CLSTN2: variants seen among roughly 807,000 people sequenced by gnomAD.
The protein encoded by CLSTN2 is calsyntenin 2, also known as calsyntenin-2.
Under a neutral mutation model 101.2 loss-of-function variants are expected in CLSTN2, and 48 were observed. The observed-to-expected ratio is 0.47, with a 90% CI of 0.38 to 0.60. The LOEUF (loss-of-function observed/expected upper bound fraction) is 0.60. Ranked by LOEUF, CLSTN2 falls within the 20% of genes least tolerant of loss-of-function variation. CLSTN2 has a pLI of 0.00. For synonymous variants in CLSTN2, 481 were observed against 463.6 expected (o/e 1.04, Z -0.48); for missense variants, 1,160 against 1,238.2 (o/e 0.94, Z 0.95).
At chr3:139,998,447 AT>A (rs1183099698) in intron 1 of CLSTN2, among the ~76,000 whole-genome samples, 1 of 141,118 alleles carries the variant, frequency 7.1e-6, no homozygotes, top group Non-Finnish European at 1.5e-5. Context: ...CCATTCTCCT[AT>A]TCTCCTGCCT....
chr3:139,949,954 G>A (rs1477212428), intron 1 of CLSTN2, among the ~76,000 whole-genome samples: 1 of 152,142 alleles, frequency 6.6e-6, no homozygotes, highest in Non-Finnish European at 1.5e-5. Flanking sequence ...GTGTGTAGAG[G>A]CAAGAAGGAA....
rs569421671 is a variant in CLSTN2, at chr3:140,028,671, A to C, written c.109+93188A>C. On this transcript the variant is annotated intron_variant, in intron 1 of 16. Coordinates refer to ENST00000458420, the MANE Select transcript of CLSTN2 (RefSeq NM_022131.3). Reference sequence around the variant, plus strand: ...ATGAATGGGCAACTGCCTATGGAGCATGAACTGTGGGGTGAGAATCCCCGG... The same window carrying C: ...ATGAATGGGCAACTGCCTATGGAGCCTGAACTGTGGGGTGAGAATCCCCGG... Among the ~76,000 whole-genome samples the C allele has an allele frequency of 1.8e-4, 28 of 152,232 alleles. 1 individual carries two copies. Among genetic ancestry groups the C allele is most frequent in the Non-Finnish European group, 2.5e-4 (17 of 68,036 alleles).
At chr3:140,182,112 C>T (rs1576458378) in intron 2 of CLSTN2, among the ~76,000 whole-genome samples, 2 of 152,268 alleles carry the variant, frequency 1.3e-5, no homozygotes, top group South Asian at 2.1e-4. Context: ...TTGTTAATCT[C>T]TCTTTTTGAC....
chr3:140,349,743 C>T (rs897216661), intron 2 of CLSTN2, among the ~76,000 whole-genome samples: 2 of 152,184 alleles, frequency 1.3e-5, no homozygotes, highest in African/African-American at 4.8e-5. Context: ...TGCCCATTTA[C>T]AATCTTTGCT....
chr3:140,344,598 G>A (rs538686242), intron 2 of CLSTN2, among the ~76,000 whole-genome samples: 26 of 152,140 alleles, frequency 1.7e-4, no homozygotes, highest in East Asian at 5.8e-4. Context: ...TCCAACTACC[G>A]CACTCTCTGA....
At chr3:140,283,736 T>C (rs1471765086) in intron 2 of CLSTN2, among the ~76,000 whole-genome samples, 1 of 152,200 alleles carries the variant, frequency 6.6e-6, no homozygotes, top group African/African-American at 2.4e-5. Flanking sequence ...CAAGCATCAG[T>C]TGGAATTTGT....
At chr3:140,147,593 C>T (rs2107812236) in intron 1 of CLSTN2, among the ~76,000 whole-genome samples, 1 of 152,296 alleles carries the variant, frequency 6.6e-6, no homozygotes, top group African/African-American at 2.4e-5. Context: ...AAATGATTTT[C>T]ATTGAACAAT....
chr3:140,083,311 A>G (rs1348741689), intron 1 of CLSTN2, among the ~76,000 whole-genome samples: 1 of 152,252 alleles, frequency 6.6e-6, no homozygotes, highest in Non-Finnish European at 1.5e-5. Flanking sequence ...AATCTGTATT[A>G]AATAAATGAC....
chr3:140,441,911 C>T (rs771893920), intron 5 of CLSTN2, among the ~76,000 whole-genome samples: 1 of 152,182 alleles, frequency 6.6e-6, no homozygotes, highest in Non-Finnish European at 1.5e-5. Flanking sequence ...CCTTCTGAGA[C>T]ATGGCAGCTG....
chr3:140,156,954 A>G (rs2009964236), intron 1 of CLSTN2, among the ~76,000 whole-genome samples: 1 of 152,146 alleles, frequency 6.6e-6, no homozygotes. Flanking sequence ...ACCCGCTGAC[A>G]TCAGAGAGAA....
chr3:140,014,950 A>C (rs2007170161), intron 1 of CLSTN2, among the ~76,000 whole-genome samples: 1 of 152,202 alleles, frequency 6.6e-6, no homozygotes, highest in East Asian at 1.9e-4. Flanking sequence ...TTCTGCTTAC[A>C]AGCTAACAGC....
chr3:140,467,963 A>T (rs1933747393), intron 8 of CLSTN2, among the ~76,000 whole-genome samples: 1 of 152,174 alleles, frequency 6.6e-6, no homozygotes, highest in African/African-American at 2.4e-5. Context: ...CAATGGTGGA[A>T]CTCCAGGCAA....
At chr3:140,182,472 T>C (rs775904378) in intron 2 of CLSTN2, among the ~76,000 whole-genome samples, 1 of 152,172 alleles carries the variant, frequency 6.6e-6, no homozygotes, top group Non-Finnish European at 1.5e-5. Flanking sequence ...TTCTTCAGTC[T>C]GTCCTGCCCC....
chr3:140,223,451 TA>T (rs2086292595), intron 2 of CLSTN2, among the ~76,000 whole-genome samples: 1 of 152,156 alleles, frequency 6.6e-6, no homozygotes, highest in Admixed American at 6.5e-5. Flanking sequence ...TGGAGGGAGC[TA>T]AAGGGGGTCC....
chr3:140,546,541 G>C lies in CLSTN2; in HGVS notation c.1534G>C (p.Ala512Pro). ...QGGEVTKPQFAQFFHGSLASL... is the reference protein window; with the variant it reads ...QGGEVTKPQFPQFFHGSLASL... Reference sequence around the variant, plus strand: ...AGGAGAAGTCACCAAACCACAGTTTGCTCAGTTCTTTCATGGAAGCCTGGC... The same window carrying C: ...AGGAGAAGTCACCAAACCACAGTTTCCTCAGTTCTTTCATGGAAGCCTGGC... Residue 512 changes from alanine (A) to proline (P), a missense_variant, in exon 10 of 17, where the codon GCT (alanine) becomes CCT (proline). Transcript: ENST00000458420. 6.2e-7 allele frequency: 1 copy of C among 1,614,122 alleles called. No individual in the cohort carries two copies. Among genetic ancestry groups the C allele is most frequent in the Non-Finnish European group, 8.5e-7 (1 of 1,179,982 alleles).
chr3:140,162,713 A>G (rs2010067910), intron 1 of CLSTN2, among the ~76,000 whole-genome samples: 2 of 152,128 alleles, frequency 1.3e-5, no homozygotes, highest in Admixed American at 1.3e-4. Flanking sequence ...AATGCACATA[A>G]CAGTTCACAT....
At chr3:140,009,228 T>C (rs1214806186) in intron 1 of CLSTN2, among the ~76,000 whole-genome samples, 1 of 152,234 alleles carries the variant, frequency 6.6e-6, no homozygotes, top group African/African-American at 2.4e-5. Context: ...TGTTCTTTCC[T>C]GAAGCCCCAT....
chr3:139,938,161 C>T lies in CLSTN2; in HGVS notation c.109+2678C>T, dbSNP rs1023476053. On this transcript the variant is annotated intron_variant, in intron 1 of 16. Coordinates refer to ENST00000458420, the MANE Select transcript of CLSTN2 (RefSeq NM_022131.3). The stretch of plus-strand genomic sequence containing the variant: ...ATCACAAAAAAAAAAAAAAAAAAAT[C>T]AGGAAGGCGTGTGAAGATTGAACAA... 4.0e-5 allele frequency among the ~76,000 whole-genome samples: 5 copies of T among 126,236 alleles called. No homozygotes were observed. The South Asian group carries it at 1.3e-3, about 33-fold the overall frequency. 82.8% of individuals were successfully genotyped at this position (126,236 alleles called of 152,430 possible). A position where few individuals can be genotyped will look rare whatever the true frequency, so the allele number is the denominator to read the frequency against.
At chr3:140,280,638 TTG>T (rs2086836813) in intron 2 of CLSTN2, among the ~76,000 whole-genome samples, 1 of 152,188 alleles carries the variant, frequency 6.6e-6, no homozygotes, top group Non-Finnish European at 1.5e-5. Flanking sequence ...GCTTAGTTGC[TTG>T]GCTGTAGAAC....
Sources: gnomAD v4.1 joint callset for allele counts (sites outside exome capture counted in the v4.1 genomes callset) on GRCh38, gnomAD v4.1.1 for gene constraint, MANE v1.5 for transcripts, NCBI Gene and HGNC (gene_info 2026-07-23, HGNC 2026-07-21) for gene names.